Variants in DVL3 observed in about 807,000 individuals in gnomAD.
The protein encoded by DVL3 is dishevelled segment polarity protein 3.
DVL3 carries 27 observed loss-of-function variants against 67.4 expected under a neutral mutation model. The observed-to-expected ratio is 0.40, with a 90% confidence interval of 0.30 to 0.55. DVL3 has a LOEUF of 0.55. Among genes scored for constraint, DVL3 ranks in the 20% least tolerant of loss-of-function variants. The probability of loss-of-function intolerance (pLI) is 0.46; values close to 1 mark genes in which losing one functional copy is unlikely to be tolerated. For synonymous variants in DVL3, 369 were observed against 396.8 expected (o/e 0.93, Z 0.83); for missense variants, 819 against 1,021.5 (o/e 0.80, Z 2.70).
intron 1 of DVL3, chr3:184,156,960 C>T (rs891996048): frequency 6.2e-6 from 1 of 162,304 alleles, no homozygotes; most frequent in African/African-American, 2.4e-5. Flanking sequence ...CTCCCAAGCC[C>T]CTGGCCCACC....
intron 1 of DVL3, among the ~76,000 whole-genome samples, chr3:184,159,708 G>A (rs142203120): frequency 1.2e-3 from 184 of 152,130 alleles, no homozygotes; most frequent in African/African-American, 4.3e-3. Flanking sequence ...CTCAGCAGAT[G>A]TCTATCCATT....
chr3:184,164,936 G>A lies in DVL3; in HGVS notation c.599+5G>A. 1 of 1,614,128 alleles carries A rather than the reference G, an allele frequency of 6.2e-7. No individual in the cohort carries two copies. The highest frequency in any genetic ancestry group is 8.5e-7 in the Non-Finnish European group (1 of 1,180,014). On this transcript the variant is annotated splice_donor_5th_base_variant and intron_variant, in intron 5 of 14. Transcript: ENST00000313143. This position sits in a 1 kb window ranked among gnomAD's most constrained non-coding sequence, Gnocchi z 5.3. ...TGAGGATGACTCCACCAGCAGGTGG[G>A]GCTTGAGTTTCATGGGTATTGTGGG...
Position 184,170,395 on chromosome 3 carries a change from G to T in DVL3, c.1791G>T (p.Lys597Asn). 9 of 1,604,480 alleles carry T rather than the reference G, an allele frequency of 5.6e-6. No homozygotes were observed. Among genetic ancestry groups the T allele is most frequent in the Non-Finnish European group, 7.7e-6 (9 of 1,175,868 alleles). The stretch of plus-strand genomic sequence containing the variant: ...AGGACCCGAAGGCCGGGGACTCCAA[G>T]TCCGGGGGCAGCGGCAGCGAATCGG... ...KEKDPKAGDSKSGGSGSESDH... is the reference protein window; with the variant it reads ...KEKDPKAGDSNSGGSGSESDH... Residue 597 changes from lysine to asparagine, a missense_variant, in exon 15 of 15, where the codon AAG (lysine) becomes AAT (asparagine). Coordinates refer to ENST00000313143, the MANE Select transcript of DVL3 (RefSeq NM_004423.4). This position sits in a 1 kb window ranked among gnomAD's most constrained non-coding sequence, Gnocchi z 6.5.
Position 184,166,330 on chromosome 3 carries a change from C to T in DVL3, c.903+65C>T. On this transcript the variant is annotated intron_variant, in intron 8 of 14. Transcript: ENST00000313143. The surrounding 1 kb of genome is among the most constrained non-coding windows in gnomAD (Gnocchi z 6.7). The stretch of plus-strand genomic sequence containing the variant: ...CAGGGAGGTGTCCTACCATCTGTAC[C>T]CTGCTCCTTCAGAGGCCCCTTCTTG... 1.8e-5 allele frequency: 29 copies of T among 1,606,558 alleles called. No individual in the cohort carries two copies. Among genetic ancestry groups the T allele is most frequent in the Non-Finnish European group, 2.4e-5 (28 of 1,175,334 alleles).
At chr3:184,156,331 C>T (rs901159976) in intron 1 of DVL3, 4 of 456,076 alleles carry the variant, frequency 8.8e-6, no homozygotes, top group Admixed American at 2.4e-5. Context: ...TGGCCGCGAG[C>T]GGGGTCTGCA....
At position 184,171,527 on chromosome 3, in the gene DVL3, T is replaced by G. The variant is rs566559606; in HGVS notation, c.*772T>G. 1.0e-6 allele frequency: 1 copy of G among 986,018 alleles called. No individual in the cohort carries two copies. The highest frequency in any genetic ancestry group is 1.7e-5 in the African/African-American group (1 of 57,372). 61.1% of individuals were successfully genotyped at this position (986,018 alleles called of 1,614,324 possible). A position where few individuals can be genotyped will look rare whatever the true frequency, so the allele number is the denominator to read the frequency against. On this transcript the variant is annotated 3_prime_UTR_variant, in exon 15 of 15. Transcript: ENST00000313143. ...TCCAGGCCTGAAACATTTCTTTTCT[T>G]TCTTTTTTCCTCCCCCAATTTACCC... is the stretch of plus-strand genomic sequence containing the variant.
In DVL3 at chr3:184,167,795, C is replaced by T. The variant is rs995288764; in HGVS notation, c.1330+84C>T. 27 of 1,595,252 alleles carry T rather than the reference C, an allele frequency of 1.7e-5. No homozygotes were observed. Among genetic ancestry groups the T allele is most frequent in the Non-Finnish European group, 2.3e-5 (27 of 1,170,328 alleles). Reference sequence around the variant, plus strand: ...CGGAGGGCCCAGGACTTGCCTTGGACCCTTCCTTTGATCTGGAGCCAGCCC... The same window carrying T: ...CGGAGGGCCCAGGACTTGCCTTGGATCCTTCCTTTGATCTGGAGCCAGCCC... On this transcript the variant is annotated intron_variant, in intron 12 of 14. Coordinates refer to ENST00000313143, the MANE Select transcript of DVL3 (RefSeq NM_004423.4). This position sits in a 1 kb window ranked among gnomAD's most constrained non-coding sequence, Gnocchi z 4.6.
chr3:184,164,166 T>C lies in DVL3; in HGVS notation c.232-101T>C. ...CTGTCTTTTCTCCCTCGATATTTCC[T>C]GCTTCCTTCCTCTTAGGCCTTCATG... On this transcript the variant is annotated intron_variant, in intron 2 of 14. Coordinates refer to ENST00000313143, the MANE Select transcript of DVL3 (RefSeq NM_004423.4). This position sits in a 1 kb window ranked among gnomAD's most constrained non-coding sequence, Gnocchi z 5.3. 7.1e-7 allele frequency: 1 copy of C among 1,401,866 alleles called. No individual in the cohort carries two copies. The highest frequency in any genetic ancestry group is 9.8e-7 in the Non-Finnish European group (1 of 1,017,564). The allele number at this position is 1,401,866 out of a possible 1,614,324, so 86.8% of individuals were successfully genotyped here. A position where few individuals can be genotyped will look rare whatever the true frequency, so the allele number is the denominator to read the frequency against.
Position 184,172,617 on chromosome 3 carries a change from T to G in DVL3, c.*1862T>G, listed in dbSNP as rs1403067841. ...GGTGTTTTGGCACCTGCCTGTAATC[T>G]CAGCTACTCAGGAGGCTGAGGCACA... is the stretch of plus-strand genomic sequence containing the variant. On this transcript the variant is annotated 3_prime_UTR_variant, in exon 15 of 15. Coordinates refer to ENST00000313143, the MANE Select transcript of DVL3 (RefSeq NM_004423.4). 1 of 152,062 alleles carries G rather than the reference T, an allele frequency of 6.6e-6. No homozygotes were observed. Among genetic ancestry groups the G allele is most frequent in the Non-Finnish European group, 1.5e-5 (1 of 68,010 alleles). 9.4% of individuals were successfully genotyped at this position (152,062 alleles called of 1,614,324 possible).
In DVL3 at chr3:184,165,751, T is replaced by A. The variant is rs1714560500; in HGVS notation, c.763+260T>A. On this transcript the variant is annotated intron_variant, in intron 7 of 14. Transcript: ENST00000313143. The surrounding 1 kb of genome is among the most constrained non-coding windows in gnomAD (Gnocchi z 4.1). Reference sequence around the variant, plus strand: ...ATTTCTGAGTGCCCACTCCTTCACATCTCTCAGCCATTGCATCCTTGCTCT... The same window carrying A: ...ATTTCTGAGTGCCCACTCCTTCACAACTCTCAGCCATTGCATCCTTGCTCT... 6.6e-6 allele frequency among the ~76,000 whole-genome samples: 1 copy of A among 152,162 alleles called. No homozygotes were observed. Among genetic ancestry groups the A allele is most frequent in the South Asian group, 2.1e-4 (1 of 4,828 alleles).
At chr3:184,158,152 T>C (rs984265603) in intron 1 of DVL3, among the ~76,000 whole-genome samples, 9 of 152,016 alleles carry the variant, frequency 5.9e-5, no homozygotes, top group Non-Finnish European at 1.3e-4. Context: ...CTTGGCAACA[T>C]AGCAAGACCC....
In DVL3 at chr3:184,170,864, G is replaced by A; in HGVS notation, c.*109G>A. The stretch of plus-strand genomic sequence containing the variant: ...TCTGGTACCTGAAAGGGAAATAAAA[G>A]GAACTAAATCCAGGTGCGCTAACTG... On this transcript the variant is annotated 3_prime_UTR_variant, in exon 15 of 15. Coordinates refer to ENST00000313143, the MANE Select transcript of DVL3 (RefSeq NM_004423.4). The surrounding 1 kb of genome is among the most constrained non-coding windows in gnomAD (Gnocchi z 6.5). The A allele has an allele frequency of 6.4e-7, 1 of 1,554,222 alleles. No homozygotes were observed. Among genetic ancestry groups the A allele is most frequent in the Non-Finnish European group, 8.7e-7 (1 of 1,149,476 alleles).
At position 184,166,239 on chromosome 3, in the gene DVL3, A is replaced by G. The variant is rs201275800; in HGVS notation, c.877A>G (p.Ile293Val). 6.2e-6 allele frequency: 10 copies of G among 1,613,168 alleles called. No homozygotes were observed. The highest frequency in any genetic ancestry group is 8.5e-7 in the Non-Finnish European group (1 of 1,179,768). Residue 293 changes from isoleucine to valine, a missense_variant, in exon 8 of 15, where the codon ATC becomes GTC. Physicochemically the swap from Ile to Val is conservative, Grantham distance 29. Coordinates refer to ENST00000313143, the MANE Select transcript of DVL3 (RefSeq NM_004423.4). This position sits in a 1 kb window ranked among gnomAD's most constrained non-coding sequence, Gnocchi z 6.7. ...TGGGGCCGTGGCTGCTGATGGACGCATCGAGCCAGGAGATATGTTGTTACA... is the reference window on the plus strand; with the variant it reads ...TGGGGCCGTGGCTGCTGATGGACGCGTCGAGCCAGGAGATATGTTGTTACA... ...KGGAVAADGRIEPGDMLLQVN... is the reference protein window; with the variant it reads ...KGGAVAADGRVEPGDMLLQVN...
rs755900506 is a variant in DVL3 at position 184,170,602 on chromosome 3, G to A, written c.1998G>A (p.Met666Ile). Residue 666 changes from methionine to isoleucine, a missense_variant, in exon 15 of 15, where the codon ATG becomes ATA. By Grantham distance (10) the Met-to-Ile change is conservative. Transcript: ENST00000313143. The surrounding 1 kb of genome is among the most constrained non-coding windows in gnomAD (Gnocchi z 6.5). Reference protein sequence around the residue: ...PGVPPLYGPPMLMMPPPPAAM... With the variant: ...PGVPPLYGPPILMMPPPPAAM... ...TGCCCCCTCTCTACGGCCCCCCCAT[G>A]CTGATGATGCCCCCGCCGCCCGCGG... 11 of 1,575,230 alleles carry A rather than the reference G, an allele frequency of 7.0e-6. No individual in the cohort carries two copies. Among genetic ancestry groups the A allele is most frequent in the Non-Finnish European group, 9.5e-6 (11 of 1,162,492 alleles).
In DVL3 at chr3:184,164,479, C is replaced by G. The variant is rs751192253; in HGVS notation, c.354-13C>G. 1.2e-6 allele frequency: 2 copies of G among 1,600,944 alleles called. No individual in the cohort carries two copies. Among genetic ancestry groups the G allele is most frequent in the Non-Finnish European group, 1.7e-6 (2 of 1,173,814 alleles). ...CAGCCTGCCCCCTCCCCCATCAAGT[C>G]TCTTCCCTGCAGCCCTCATGCTGGT... On this transcript the variant is annotated splice_polypyrimidine_tract_variant and intron_variant, in intron 3 of 14. Coordinates refer to ENST00000313143, the MANE Select transcript of DVL3 (RefSeq NM_004423.4). This position sits in a 1 kb window ranked among gnomAD's most constrained non-coding sequence, Gnocchi z 5.3.
intron 1 of DVL3, among the ~76,000 whole-genome samples, chr3:184,160,403 C>T (rs114816521): frequency 0.01 from 1,553 of 152,192 alleles, 33 homozygotes; most frequent in African/African-American, 0.036. Context: ...TCATGCCAGG[C>T]ATTTAAGGAT....
chr3:184,162,541 CTCTTTT>C (rs1369112321), intron 1 of DVL3, among the ~76,000 whole-genome samples: 13 of 149,378 alleles, frequency 8.7e-5, no homozygotes, highest in African/African-American at 3.0e-4. Context: ...TTCTCCCCTT[CTCTTTT>C]TCTTTTTCTT....
rs1246724896 is a variant in DVL3, at chr3:184,164,991, T to C, written c.599+60T>C. 4 of 1,611,216 alleles carry C rather than the reference T, an allele frequency of 2.5e-6. No homozygotes were observed. The African/African-American group carries it at 5.4e-5, about 22-fold the overall frequency. On this transcript the variant is annotated intron_variant, in intron 5 of 14. Transcript: ENST00000313143. This position sits in a 1 kb window ranked among gnomAD's most constrained non-coding sequence, Gnocchi z 5.3. ...GTGACCCTGGAGGAGCCCTAAACCC[T>C]GAGGATGCGGGGCCCCTGGGAGGCT...
chr3:184,171,446 C>G lies in DVL3; in HGVS notation c.*691C>G. On this transcript the variant is annotated 3_prime_UTR_variant, in exon 15 of 15. Transcript: ENST00000313143. Reference sequence around the variant, plus strand: ...GCTCTACCCCTGCCCCATGCCTGCCCTGCGTGCTGGTTCCTTCAGACCCCT... The same window carrying G: ...GCTCTACCCCTGCCCCATGCCTGCCGTGCGTGCTGGTTCCTTCAGACCCCT... 1 of 987,884 alleles carries G rather than the reference C, an allele frequency of 1.0e-6. No homozygotes were observed. 61.2% of individuals were successfully genotyped at this position (987,884 alleles called of 1,614,324 possible).
Sources: allele counts gnomAD v4.1 joint callset (sites outside exome capture counted in the v4.1 genomes callset), GRCh38; gene constraint gnomAD v4.1.1; non-coding constraint Gnocchi (gnomAD v3.1); transcripts MANE v1.5; gene names NCBI Gene and HGNC (gene_info 2026-07-23, HGNC 2026-07-21).